The following ETF1 variants were observed in gnomAD, a reference collection of about 807,000 sequenced individuals.
The protein encoded by ETF1 is eukaryotic peptide chain release factor subunit 1.
ETF1 carries 4 observed loss-of-function variants against 55.1 expected under a neutral mutation model. The ratio of observed to expected loss-of-function variants is 0.07; its 90% CI spans 0.04 to 0.17. The LOEUF is 0.17. Among genes scored for constraint, ETF1 ranks in the 10% least tolerant of loss-of-function variants. The pLI, the probability that ETF1 is intolerant of heterozygous loss-of-function variation, is 1.00. For synonymous variants in ETF1, 157 were observed against 182.3 expected (o/e 0.86, Z 1.12); for missense variants, 142 against 523.6 (o/e 0.27, Z 7.11).
intron 2 of ETF1, among the ~76,000 whole-genome samples, chr5:138,527,335 A>G (rs181681562): frequency 1.8e-3 from 270 of 152,334 alleles, no homozygotes; most frequent in Non-Finnish European, 2.8e-3. Flanking sequence ...GACAGTACAC[A>G]GGACAGTATG....
At position 138,511,615 on chromosome 5, in the gene ETF1, A is replaced by C. The variant is rs770139704; in HGVS notation, c.733-11T>G. The C allele has an allele frequency of 8.2e-5, 130 of 1,592,954 alleles. 1 individual carries two copies. Among genetic ancestry groups the C allele is most frequent in the African/African-American group, 2.0e-4 (15 of 73,812 alleles). On this transcript the variant is annotated splice_polypyrimidine_tract_variant and intron_variant, in intron 6 of 10. Coordinates refer to ENST00000360541, the MANE Select transcript of ETF1 (RefSeq NM_004730.4). ...TTTTGATTGTAACCTCTAACACACA[A>C]AAAAAATATTATTAGTACTTACTGG...
rs1455406717 is a variant in ETF1 at position 138,507,232 on chromosome 5, CAG to C, written c.*1071_*1072del. On this transcript the variant is annotated 3_prime_UTR_variant, in exon 11 of 11. Coordinates refer to ENST00000360541, the MANE Select transcript of ETF1 (RefSeq NM_004730.4). ...GTGCTTGTAAGTCCCACATTTGAAA[CAG>C]ATGCTCCAACCCCACCAGGAGGTCA... 3 of 131,466 alleles carry C rather than the reference CAG, an allele frequency of 2.3e-5. No individual in the cohort carries two copies. In the East Asian group the frequency reaches 7.9e-4, roughly 35 times the overall value. 8.1% of individuals were successfully genotyped at this position (131,466 alleles called of 1,614,324 possible).
At chr5:138,513,343 T>C (rs1764890713) in intron 5 of ETF1, 2 of 398,308 alleles carry the variant, frequency 5.0e-6, no homozygotes, top group Non-Finnish European at 6.8e-6. Context: ...GCAATTCTCC[T>C]GCCTCAGCCT....
intron 5 of ETF1, 43 bp downstream of exon 5, chr5:138,513,525 C>A: frequency 1.3e-6 from 2 of 1,510,808 alleles, no homozygotes; most frequent in Non-Finnish European, 9.2e-7. Context: ...TTTCTTATTG[C>A]TAGACACAAA....
At position 138,511,622 on chromosome 5, in the gene ETF1, T is replaced by A. The variant is rs1354691805; in HGVS notation, c.733-18A>T. 6.3e-7 allele frequency: 1 copy of A among 1,588,526 alleles called. No individual in the cohort carries two copies. The highest frequency in any genetic ancestry group is 8.6e-7 in the Non-Finnish European group (1 of 1,166,490). ...TGTAACCTCTAACACACAAAAAAAATATTATTAGTACTTACTGGTACTTAT... is the reference window on the plus strand; with the variant it reads ...TGTAACCTCTAACACACAAAAAAAAAATTATTAGTACTTACTGGTACTTAT... On this transcript the variant is annotated intron_variant, in intron 6 of 10. Transcript: ENST00000360541.
intron 2 of ETF1, among the ~76,000 whole-genome samples, chr5:138,531,932 A>G (rs1037225164): frequency 1.3e-5 from 2 of 152,162 alleles, no homozygotes; most frequent in African/African-American, 4.8e-5. Context: ...CTATAGTCCC[A>G]GCTACCTGGG....
At chr5:138,530,008 A>G (rs867105350) in intron 2 of ETF1, among the ~76,000 whole-genome samples, 1 of 152,070 alleles carries the variant, frequency 6.6e-6, no homozygotes, top group Non-Finnish European at 1.5e-5. Flanking sequence ...CTCACTGAGC[A>G]GCTAAGGTTA....
intron 2 of ETF1, among the ~76,000 whole-genome samples, chr5:138,529,090 T>C (rs190591590): frequency 5.3e-5 from 8 of 152,076 alleles, no homozygotes; most frequent in East Asian, 1.9e-4. Context: ...GATCCCGCCA[T>C]TGCACTACAG....
intron 2 of ETF1, among the ~76,000 whole-genome samples, chr5:138,535,147 C>T (rs1006288613): frequency 1.3e-5 from 2 of 151,498 alleles, no homozygotes; most frequent in African/African-American, 4.8e-5. Context: ...GACAGGTTTT[C>T]ACCATGTTGG....
chr5:138,520,282 T>C (rs1765180082), intron 2 of ETF1, among the ~76,000 whole-genome samples: 3 of 151,054 alleles, frequency 2.0e-5, no homozygotes, highest in Admixed American at 2.0e-4. Flanking sequence ...CTCACAGAAG[T>C]AGAATGATTC....
At chr5:138,537,914 C>CT (rs1228432321) in intron 2 of ETF1, among the ~76,000 whole-genome samples, 4 of 134,562 alleles carry the variant, frequency 3.0e-5, no homozygotes, top group African/African-American at 8.5e-5. Flanking sequence ...TTTTCTGAGA[C>CT]TGAGTTTTGC....
chr5:138,523,502 C>T (rs1226052744), intron 2 of ETF1, among the ~76,000 whole-genome samples: 2 of 152,084 alleles, frequency 1.3e-5, no homozygotes, highest in African/African-American at 4.8e-5. Flanking sequence ...CCACTGCACT[C>T]CAGCCTGACA....
intron 3 of ETF1, 84 bp downstream of exon 3, chr5:138,518,608 A>T: frequency 8.8e-7 from 1 of 1,139,610 alleles, no homozygotes; most frequent in African/African-American, 1.5e-5. Flanking sequence ...AGGGAACATT[A>T]GTGAACAAAG....
intron 2 of ETF1, among the ~76,000 whole-genome samples, chr5:138,538,402 C>T (rs969709722): frequency 6.6e-5 from 10 of 152,072 alleles, no homozygotes; most frequent in African/African-American, 2.4e-4. Context: ...GTTGGCTAGG[C>T]TGGTCTTGAA....
intron 7 of ETF1, 64 bp from the exon 8 acceptor site, chr5:138,511,264 T>C (rs969168789): frequency 5.4e-5 from 86 of 1,578,400 alleles, no homozygotes; most frequent in Non-Finnish European, 7.3e-5. Flanking sequence ...CAAACACACC[T>C]ATTCGACCTA....
chr5:138,529,029 C>T lies in ETF1; in HGVS notation c.87-10162G>A, dbSNP rs530936596. Among the ~76,000 whole-genome samples, 10 of 151,928 alleles carry T rather than the reference C, an allele frequency of 6.6e-5. No individual in the cohort carries two copies. The East Asian group carries it at 1.7e-3, about 26-fold the overall frequency. On this transcript the variant is annotated intron_variant, in intron 2 of 10. Transcript: ENST00000360541. ...GGCGTGGTAGTGCATGCTTGTAATC[C>T]CAGCAGGAGAATCGGCTTGAGCCTG...
intron 2 of ETF1, among the ~76,000 whole-genome samples, chr5:138,531,221 A>G (rs1357690954): frequency 3.3e-5 from 5 of 152,150 alleles, no homozygotes; most frequent in Admixed American, 6.5e-5. Flanking sequence ...GCGCACACAA[A>G]AAAGATAAAA....
In ETF1 at chr5:138,507,403, G is replaced by C. The variant is rs1010014694; in HGVS notation, c.*902C>G. On this transcript the variant is annotated 3_prime_UTR_variant, in exon 11 of 11. Coordinates refer to ENST00000360541, the MANE Select transcript of ETF1 (RefSeq NM_004730.4). ...ATCCACCTCCCTTTTAACAAGGATT[G>C]ACCCAAGCAAAATAAAATCCTCTTT... is the stretch of plus-strand genomic sequence containing the variant. 1 of 152,554 alleles carries C rather than the reference G, an allele frequency of 6.6e-6. No homozygotes were observed. Among genetic ancestry groups the C allele is most frequent in the African/African-American group, 2.4e-5 (1 of 41,432 alleles). The allele number at this position is 152,554 out of a possible 1,614,324, so 9.5% of individuals were successfully genotyped here.
At chr5:138,512,505 T>C (rs935258365) in intron 6 of ETF1, among the ~76,000 whole-genome samples, 11 of 151,968 alleles carry the variant, frequency 7.2e-5, no homozygotes, top group African/African-American at 2.7e-4. Flanking sequence ...CAGCCAATTC[T>C]GACAACCCAA....
Sources: allele counts gnomAD v4.1 joint callset (sites outside exome capture counted in the v4.1 genomes callset), GRCh38; gene constraint gnomAD v4.1.1; transcripts MANE v1.5; gene names NCBI Gene and HGNC (gene_info 2026-07-23, HGNC 2026-07-21).